The following ZNF239 variants were observed in gnomAD, a reference collection of about 807,000 sequenced individuals.
ZNF239 encodes zinc finger protein (C2H2) homologous to mouse MOK-2.
Under a neutral mutation model 27.5 loss-of-function variants are expected in ZNF239, and 16 were observed. The ratio of observed to expected loss-of-function variants is 0.58; its 90% CI spans 0.39 to 0.88. ZNF239 has a LOEUF of 0.88. ZNF239 is among the 40% of genes least tolerant of loss of function. The pLI is 0.00. For missense variants in ZNF239, 527 were observed against 551.9 expected (o/e 0.95, Z 0.45); for synonymous variants, 199 against 192.6 (o/e 1.03, Z -0.27).
chr10:43,565,319 G>C (rs1343569740), intron 3 of ZNF239, among the ~76,000 whole-genome samples: 2 of 151,856 alleles, frequency 1.3e-5, no homozygotes, highest in East Asian at 3.9e-4. Flanking sequence ...CCTGACCTCA[G>C]GTGATCCGCC....
chr10:43,571,165 G>A (rs1405101839), intron 2 of ZNF239, among the ~76,000 whole-genome samples: 2 of 151,474 alleles, frequency 1.3e-5, no homozygotes, highest in Non-Finnish European at 2.9e-5. Flanking sequence ...AAGTTCAATT[G>A]TTTCCTGTTT....
At chr10:43,565,811 T>G (rs1308607124) in intron 3 of ZNF239, among the ~76,000 whole-genome samples, 22 of 66,774 alleles carry the variant, frequency 3.3e-4, no homozygotes, top group Admixed American at 1.5e-3. Flanking sequence ...CAAGACTCCA[T>G]CTCAAGAAAA....
At chr10:43,564,374 T>C in intron 3 of ZNF239, 1 of 685,402 alleles carries the variant, frequency 1.5e-6, no homozygotes, top group Non-Finnish European at 1.8e-6. Flanking sequence ...TGAAAAACGA[T>C]GGCAACAATC....
intron 3 of ZNF239, among the ~76,000 whole-genome samples, chr10:43,560,392 G>A (rs551894580): frequency 6.6e-6 from 1 of 152,164 alleles, no homozygotes; most frequent in South Asian, 2.1e-4. Flanking sequence ...GCCCAGCGCT[G>A]GAAATAAAGA....
Position 43,557,405 on chromosome 10 carries a change from A to T in ZNF239, c.675T>A (p.His225Gln). 3 of 1,614,152 alleles carry T rather than the reference A, an allele frequency of 1.9e-6. No individual in the cohort carries two copies. The highest frequency in any genetic ancestry group is 2.5e-6 in the Non-Finnish European group (3 of 1,180,020). ...NFSQSSELLL[H>Q]QRDHTEEKPY... ...GTTTTTCTTCTGTGTGGTCTCTCTG[A>T]TGAAGTAGTAGCTCTGAGCTTTGAC... Residue 225 changes from histidine to glutamine, a missense_variant, in exon 4 of 4, where the codon CAT becomes CAA. His to Gln is a conservative substitution (Grantham distance 24, BLOSUM62 0). Transcript: ENST00000374446.
chr10:43,572,199 A>G (rs1239246688), intron 2 of ZNF239, among the ~76,000 whole-genome samples: 4 of 152,228 alleles, frequency 2.6e-5, no homozygotes, highest in Admixed American at 6.5e-5. Flanking sequence ...CTCAAAATTT[A>G]CTAAACTGGC....
intron 3 of ZNF239, chr10:43,564,274 A>G (rs1837481470): frequency 1.0e-6 from 1 of 984,362 alleles, no homozygotes; most frequent in Non-Finnish European, 1.2e-6. Flanking sequence ...TCTTCACAGG[A>G]CTTACTGACC....
rs779316685 is a variant in ZNF239, at chr10:43,557,252, T to G, written c.828A>C (p.Ser276=). ...GGACGGCATGATGGATGAGCAGACT[T>G]GAGCTCCTGGTGAAGCCCTTCCCAC... The part of the protein sequence containing the change: ...DKCGKGFTRS[S]SLLIHHAVHT... The change falls in exon 4 of 4, where the codon TCA becomes TCC. Residue 276 remains serine (S), a synonymous_variant. Transcript: ENST00000374446. 3.1e-6 allele frequency: 5 copies of G among 1,610,676 alleles called. No individual in the cohort carries two copies. The highest frequency in any genetic ancestry group is 4.2e-6 in the Non-Finnish European group (5 of 1,178,834).
chr10:43,566,822 C>T (rs1837684298), intron 3 of ZNF239, among the ~76,000 whole-genome samples: 2 of 152,126 alleles, frequency 1.3e-5, no homozygotes, highest in African/African-American at 4.8e-5. Context: ...TAATGAATAT[C>T]TTTGTTCACA....
Position 43,557,757 on chromosome 10 carries a change from T to A in ZNF239, c.323A>T (p.Lys108Met). 1 of 1,614,138 alleles carries A rather than the reference T, an allele frequency of 6.2e-7. No homozygotes were observed. Among genetic ancestry groups the A allele is most frequent in the South Asian group, 1.1e-5 (1 of 91,074 alleles). Residue 108 changes from lysine (K) to methionine (M), a missense_variant, in exon 4 of 4, where the codon AAG (lysine) becomes ATG (methionine). Coordinates refer to ENST00000374446, the MANE Select transcript of ZNF239 (RefSeq NM_001099282.2). ...MEESTERKVI[K>M]GESCSENLQV... ...AAGGTTCTCTGAACAACTTTCCCCC[T>A]TTATCACTTTTCTCTCAGTGCTTTC...
chr10:43,556,750 A>C lies in ZNF239; in HGVS notation c.1330T>G (p.Ser444Ala). The C allele has an allele frequency of 6.2e-7, 1 of 1,614,086 alleles. No individual in the cohort carries two copies. The highest frequency in any genetic ancestry group is 8.5e-7 in the Non-Finnish European group (1 of 1,180,016). Residue 444 changes from serine to alanine, a missense_variant, in exon 4 of 4, where the codon TCC (serine) becomes GCC (alanine). Transcript: ENST00000374446. ...SKCGKGFSQSSNLHIHQRVHK... is the reference protein window; with the variant it reads ...SKCGKGFSQSANLHIHQRVHK... ...ACCCGCTGGTGGATGTGAAGGTTGG[A>C]GCTCTGGCTGAAGCCCTTCCCACAC...
chr10:43,566,203 G>A (rs1485020107), intron 3 of ZNF239, among the ~76,000 whole-genome samples: 1 of 152,050 alleles, frequency 6.6e-6, no homozygotes, highest in Non-Finnish European at 1.5e-5. Context: ...GAAACTGAAA[G>A]GCCACAGTTA....
intron 1 of ZNF239, among the ~76,000 whole-genome samples, chr10:43,573,994 G>A (rs1257103867): frequency 6.6e-6 from 1 of 152,200 alleles, no homozygotes; most frequent in East Asian, 1.9e-4. Flanking sequence ...AAGAGGAGAA[G>A]CTTCTCGGGA....
chr10:43,570,828 T>C (rs1837984190), intron 2 of ZNF239: 2 of 984,042 alleles, frequency 2.0e-6, no homozygotes, highest in Non-Finnish European at 2.4e-6. Flanking sequence ...GAGTTATTAA[T>C]TTTTTAAGGT....
At chr10:43,560,907 C>T (rs188388842) in intron 3 of ZNF239, among the ~76,000 whole-genome samples, 13 of 152,198 alleles carry the variant, frequency 8.5e-5, no homozygotes, top group African/African-American at 3.1e-4. Context: ...CACATTTAAA[C>T]ACAATCTAAT....
At chr10:43,562,458 C>T (rs1175387374) in intron 3 of ZNF239, among the ~76,000 whole-genome samples, 3 of 152,196 alleles carry the variant, frequency 2.0e-5, no homozygotes, top group Non-Finnish European at 4.4e-5. Flanking sequence ...TGACCAGAAC[C>T]GGGATAGACA....
chr10:43,567,121 CAAACAAAACA>C (rs1564465535), intron 3 of ZNF239, among the ~76,000 whole-genome samples: 1 of 126,692 alleles, frequency 7.9e-6, no homozygotes, highest in African/African-American at 2.9e-5. Context: ...AACAAACAAA[CAAACAAAACA>C]AAAAGACTCC....
At chr10:43,558,257 G>A in intron 3 of ZNF239, 86 bp from the exon 4 acceptor site, 2 of 1,273,976 alleles carry the variant, frequency 1.6e-6, no homozygotes, top group African/African-American at 1.5e-5. Flanking sequence ...TGAAGTCTTA[G>A]TAACTAGGAA....
Position 43,557,833 on chromosome 10 carries a change from T to C in ZNF239, c.247A>G (p.Lys83Glu), listed in dbSNP as rs769973580. 6.2e-7 allele frequency: 1 copy of C among 1,614,262 alleles called. No homozygotes were observed. Among genetic ancestry groups the C allele is most frequent in the East Asian group, 2.2e-5 (1 of 44,886 alleles). ...TCCTGATGATCCTGAGGCTCATTCT[T>C]ACAGAACTTCACTGAAGAGTCTTGT... is the stretch of plus-strand genomic sequence containing the variant. ...DTQDSSVKFC[K>E]NEPQDHQESR... Residue 83 changes from lysine to glutamate, a missense_variant, in exon 4 of 4, where the codon AAG becomes GAG. Coordinates refer to ENST00000374446, the MANE Select transcript of ZNF239 (RefSeq NM_001099282.2).
Sources: allele counts gnomAD v4.1 joint callset (sites outside exome capture counted in the v4.1 genomes callset), GRCh38; gene constraint gnomAD v4.1.1; transcripts MANE v1.5; gene names NCBI Gene and HGNC (gene_info 2026-07-23, HGNC 2026-07-21).